Variants in ERV3-1 observed in about 807,000 individuals in gnomAD.
The protein encoded by ERV3-1 is endogenous retrovirus group 3 member 1, envelope.
In ERV3-1, 36 loss-of-function variants were observed where a neutral mutation model predicts 24.6. That is an observed-to-expected ratio of 1.47 (90% CI 1.12 to 1.94). The LOEUF is 1.94. Among genes scored for constraint, ERV3-1 ranks in the 30% most tolerant of loss-of-function variants. The pLI, the probability that ERV3-1 is intolerant of heterozygous loss-of-function variation, is 0.00. For synonymous variants in ERV3-1, 211 were observed against 122.6 expected (o/e 1.72, Z -4.76); for missense variants, 578 against 330.9 (o/e 1.75, Z -5.79).
In ERV3-1 at chr7:64,992,882, T is replaced by G; in HGVS notation, c.145A>C (p.Thr49Pro). ...NIMTKTLLYHTYYECAGTCLG... is the reference protein window; with the variant it reads ...NIMTKTLLYHPYYECAGTCLG... ...CAGGTCCCAGCACACTCATAATAAG[T>G]GTGATACAACAGGGTTTTAGTCATG... is the stretch of plus-strand genomic sequence containing the variant. Residue 49 changes from threonine (T) to proline (P), a missense_variant, in exon 2 of 2, where the codon ACT becomes CCT. Transcript: ENST00000394323. 2 of 766,368 alleles carry G rather than the reference T, an allele frequency of 2.6e-6. No homozygotes were observed. The highest frequency in any genetic ancestry group is 4.8e-6 in the Non-Finnish European group (2 of 417,884). 47.5% of individuals were successfully genotyped at this position (766,368 alleles called of 1,614,324 possible).
intron 1 of ERV3-1, among the ~76,000 whole-genome samples, chr7:64,996,923 C>G (rs1786417181): frequency 6.6e-6 from 1 of 152,238 alleles, no homozygotes; most frequent in Admixed American, 6.5e-5. Context: ...TTCATATTCT[C>G]CAGTTCCTGC....
intron 1 of ERV3-1, among the ~76,000 whole-genome samples, chr7:64,993,900 G>C (rs952255690): frequency 3.3e-5 from 5 of 152,170 alleles, no homozygotes; most frequent in African/African-American, 1.2e-4. Flanking sequence ...TAACACTCGT[G>C]TTAGTTCCTG....
intron 1 of ERV3-1, among the ~76,000 whole-genome samples, chr7:64,994,699 T>C (rs1786366855): frequency 6.6e-6 from 1 of 152,242 alleles, no homozygotes; most frequent in Non-Finnish European, 1.5e-5. Flanking sequence ...AAGAGTCCTC[T>C]TTCTTTATAT....
intron 1 of ERV3-1, among the ~76,000 whole-genome samples, chr7:65,000,557 T>C (rs763714523): frequency 2.0e-5 from 3 of 152,170 alleles, no homozygotes; most frequent in Non-Finnish European, 4.4e-5. Context: ...GGCATGTAGA[T>C]TGCCTGAGGT....
rs563981335 is a variant in ERV3-1, at chr7:65,006,519, A to G, written c.-389+22T>C. On this transcript the variant is annotated intron_variant, in intron 1 of 1. Transcript: ENST00000394323. ...AACCAGCCCCGCCCCCTCTCTCGGGATGTCGGACCCGGCACTCTCACCATT... is the reference window on the plus strand; with the variant it reads ...AACCAGCCCCGCCCCCTCTCTCGGGGTGTCGGACCCGGCACTCTCACCATT... 1.7e-5 allele frequency: 27 copies of G among 1,572,832 alleles called. No individual in the cohort carries two copies. In the East Asian group the frequency reaches 5.8e-4, roughly 34 times the overall value.
intron 1 of ERV3-1, among the ~76,000 whole-genome samples, chr7:65,003,502 G>A (rs1304954845): frequency 1.3e-5 from 2 of 152,024 alleles, no homozygotes; most frequent in East Asian, 3.9e-4. Context: ...AAGAAAGAAA[G>A]AACCTCCCCG....
Position 64,991,606 on chromosome 7 carries a change from G to C in ERV3-1, c.1421C>G (p.Thr474Ser). The stretch of plus-strand genomic sequence containing the variant: ...TTCATTGTCCTTCCAATCTCCTATA[G>C]TTATGCCTCTTTTGCTTTTCCTTTT... ...ETKRKSKRGI[T>S]IGDWKDNEWP... The change falls in exon 2 of 2, where the codon ACT becomes AGT. Residue 474 changes from threonine (T) to serine (S), a missense_variant. Thr to Ser is a moderately conservative substitution (Grantham distance 58). Transcript: ENST00000394323. 1.4e-6 allele frequency: 1 copy of C among 704,158 alleles called. No homozygotes were observed. The highest frequency in any genetic ancestry group is 2.6e-6 in the Non-Finnish European group (1 of 385,030). The allele number at this position is 704,158 out of a possible 1,614,324, so 43.6% of individuals were successfully genotyped here. A position where few individuals can be genotyped will look rare whatever the true frequency, so the allele number is the denominator to read the frequency against.
chr7:64,993,681 T>C (rs1465303656), intron 1 of ERV3-1, among the ~76,000 whole-genome samples: 4 of 151,456 alleles, frequency 2.6e-5, no homozygotes, highest in African/African-American at 4.8e-5. Flanking sequence ...TGGGGATGGC[T>C]TGCCGAACAG....
intron 1 of ERV3-1, chr7:65,004,041 T>C (rs1786581083): frequency 6.6e-6 from 1 of 152,104 alleles, no homozygotes; most frequent in Non-Finnish European, 1.5e-5. Context: ...TTCTGTTGGA[T>C]GTCACCAAGT....
Position 65,006,527 on chromosome 7 carries a change from C to T in ERV3-1, c.-389+14G>A, listed in dbSNP as rs1786654529. 13 of 1,574,246 alleles carry T rather than the reference C, an allele frequency of 8.3e-6. No homozygotes were observed. Among genetic ancestry groups the T allele is most frequent in the South Asian group, 2.2e-5 (2 of 90,352 alleles). On this transcript the variant is annotated intron_variant, in intron 1 of 1. Transcript: ENST00000394323. ...CCGCCCCCTCTCTCGGGATGTCGGA[C>T]CCGGCACTCTCACCATTTCTAGGCT...
chr7:65,006,648 A>T lies in ERV3-1; in HGVS notation c.-496T>A. The stretch of plus-strand genomic sequence containing the variant: ...CCTCTAGGAGCAGAAGACACAGAGC[A>T]GTGAAGACTACACCAGAAGCTCCGG... On this transcript the variant is annotated 5_prime_UTR_variant, in exon 1 of 2. Transcript: ENST00000394323. 6.6e-7 allele frequency: 1 copy of T among 1,525,938 alleles called. No individual in the cohort carries two copies. Among genetic ancestry groups the T allele is most frequent in the Non-Finnish European group, 9.1e-7 (1 of 1,102,516 alleles). 94.5% of individuals were successfully genotyped at this position (1,525,938 alleles called of 1,614,324 possible).
intron 1 of ERV3-1, among the ~76,000 whole-genome samples, chr7:64,996,318 A>G (rs1368563069): frequency 6.6e-6 from 1 of 152,236 alleles, no homozygotes; most frequent in Non-Finnish European, 1.5e-5. Context: ...CTCTTGGGAA[A>G]GTGGGTACTG....
At chr7:64,997,028 C>G (rs1428282116) in intron 1 of ERV3-1, among the ~76,000 whole-genome samples, 1 of 152,214 alleles carries the variant, frequency 6.6e-6, no homozygotes, top group Non-Finnish European at 1.5e-5. Context: ...TTCTTCATTG[C>G]CCTCTGGACA....
Position 65,000,126 on chromosome 7 carries a change from GAA to G in ERV3-1, c.-389+6413_-389+6414del, listed in dbSNP as rs376917318. On this transcript the variant is annotated intron_variant, in intron 1 of 1. Coordinates refer to ENST00000394323, the MANE Select transcript of ERV3-1 (RefSeq NM_001007253.4). ...GTTCACTGCAGCACTACTCACAATA[GAA>G]AAGACATGGAATCACCATAAACACC... Among the ~76,000 whole-genome samples, 481 of 152,270 alleles carry G rather than the reference GAA, an allele frequency of 3.2e-3. 1 individual carries two copies. Among genetic ancestry groups the G allele is most frequent in the African/African-American group, 0.011 (460 of 41,548 alleles).
chr7:65,001,237 T>C (rs903182032), intron 1 of ERV3-1, among the ~76,000 whole-genome samples: 4 of 152,208 alleles, frequency 2.6e-5, no homozygotes, highest in South Asian at 2.1e-4. Context: ...AAGGAATGGT[T>C]TGTGCTACAG....
At chr7:64,994,186 T>C (rs1163526340) in intron 1 of ERV3-1, among the ~76,000 whole-genome samples, 1 of 152,170 alleles carries the variant, frequency 6.6e-6, no homozygotes, top group Non-Finnish European at 1.5e-5. Flanking sequence ...GCCATTGTCA[T>C]GGGTTGTTCT....
chr7:64,992,029 A>G lies in ERV3-1; in HGVS notation c.998T>C (p.Ile333Thr). ...AATAATGGAGGTTTTTAAGAACCAG[A>G]TGCTCTGACTTGATGGTGCAGGTTC... ...SLEPAPSSQS[I>T]WFLKTSIIGK... Residue 333 changes from isoleucine (I) to threonine (T), a missense_variant, in exon 2 of 2, where the codon ATC becomes ACC. Ile to Thr is a moderately conservative substitution (Grantham distance 89). Coordinates refer to ENST00000394323, the MANE Select transcript of ERV3-1 (RefSeq NM_001007253.4). 1.3e-6 allele frequency: 1 copy of G among 766,454 alleles called. No homozygotes were observed. Among genetic ancestry groups the G allele is most frequent in the South Asian group, 1.3e-5 (1 of 74,622 alleles). 47.5% of individuals were successfully genotyped at this position (766,454 alleles called of 1,614,324 possible).
At chr7:65,002,266 T>G (rs1380428058) in intron 1 of ERV3-1, among the ~76,000 whole-genome samples, 1 of 152,186 alleles carries the variant, frequency 6.6e-6, no homozygotes, top group East Asian at 1.9e-4. Context: ...CTGCACATTT[T>G]CTTCTTTTTT....
Position 64,992,943 on chromosome 7 carries a change from G to T in ERV3-1, c.84C>A (p.Cys28Ter). 1 of 766,432 alleles carries T rather than the reference G, an allele frequency of 1.3e-6. No individual in the cohort carries two copies. The highest frequency in any genetic ancestry group is 2.4e-6 in the Non-Finnish European group (1 of 417,904). 47.5% of individuals were successfully genotyped at this position (766,432 alleles called of 1,614,324 possible). Residue 28 changes from cysteine (C) to a stop codon, truncating the protein, a stop_gained, in exon 2 of 2, where the codon TGC becomes TGA. Transcript: ENST00000394323. LOFTEE classifies it high-confidence loss of function. ...SMLKGEPWEG[C>*]LHCTHTTWSG... ...ACCACGTAGTGTGGGTGCAGTGGAG[G>T]CATCCCTCCCAGGGTTCTCCTTTTA...
Sources: gnomAD v4.1 joint callset for allele counts (sites outside exome capture counted in the v4.1 genomes callset) on GRCh38, gnomAD v4.1.1 for gene constraint, MANE v1.5 for transcripts, NCBI Gene and HGNC (gene_info 2026-07-23, HGNC 2026-07-21) for gene names.